Variants in MAP4K3 observed in about 807,000 individuals in gnomAD.
MAP4K3 encodes mitogen-activated protein kinase kinase kinase kinase 3.
A neutral mutation model predicts 143.5 loss-of-function variants in MAP4K3; 94 were observed. That is an observed-to-expected ratio of 0.65 (90% CI 0.55 to 0.78). MAP4K3 has a LOEUF of 0.78. Among genes scored for constraint, MAP4K3 ranks in the 30% least tolerant of loss-of-function variants. The pLI is 0.00. For missense variants in MAP4K3, 1,077 were observed against 1,068.1 expected (o/e 1.01, Z -0.12); for synonymous variants, 416 against 347.2 (o/e 1.20, Z -2.20).
intron 28 of MAP4K3, among the ~76,000 whole-genome samples, chr2:39,261,663 C>T (rs962306282): frequency 1.3e-5 from 2 of 151,984 alleles, no homozygotes; most frequent in Non-Finnish European, 2.9e-5. Context: ...TACACATATA[C>T]AAGAGACAAA....
At position 39,437,019 on chromosome 2, in the gene MAP4K3, C is replaced by T. The variant is rs758880485; in HGVS notation, c.-32G>A. ...CCCCAGGTGCCCCCCGCCTCCCTCC[C>T]GGGCAGGGGAGGGGGGCCGCTCAGG... On this transcript the variant is annotated 5_prime_UTR_variant, in exon 1 of 34. Transcript: ENST00000263881. 1.9e-6 allele frequency: 3 copies of T among 1,582,318 alleles called. No homozygotes were observed. Among genetic ancestry groups the T allele is most frequent in the Non-Finnish European group, 2.6e-6 (3 of 1,157,916 alleles).
intron 27 of MAP4K3, among the ~76,000 whole-genome samples, chr2:39,265,525 T>C (rs1439549612): frequency 2.0e-5 from 3 of 152,202 alleles, no homozygotes; most frequent in African/African-American, 4.8e-5. Context: ...TTTTTATTTG[T>C]ATGCACAAAT....
At chr2:39,377,478 T>G (rs144914549) in intron 2 of MAP4K3, among the ~76,000 whole-genome samples, 1 of 151,962 alleles carries the variant, frequency 6.6e-6, no homozygotes, top group East Asian at 1.9e-4. Context: ...AATGTGGGTT[T>G]TGAGGGAAGT....
At chr2:39,267,004 T>G (rs1680793193) in intron 27 of MAP4K3, among the ~76,000 whole-genome samples, 185 bp downstream of exon 27, 1 of 152,072 alleles carries the variant, frequency 6.6e-6, no homozygotes, top group African/African-American at 2.4e-5. Flanking sequence ...TATTTGCAAA[T>G]AAATTATTTG....
At chr2:39,418,728 GA>G (rs1316267389) in intron 1 of MAP4K3, among the ~76,000 whole-genome samples, 36 of 138,032 alleles carry the variant, frequency 2.6e-4, no homozygotes, top group Middle Eastern at 3.6e-3. Context: ...CTAACCATGA[GA>G]AAAAAAAAAA....
intron 31 of MAP4K3, among the ~76,000 whole-genome samples, chr2:39,258,082 C>A (rs1680417831): frequency 6.6e-6 from 1 of 151,962 alleles, no homozygotes; most frequent in Non-Finnish European, 1.5e-5. Flanking sequence ...CAGGCGTGTG[C>A]CAGCAAACCT....
chr2:39,263,197 A>G (rs1165125190), intron 28 of MAP4K3, among the ~76,000 whole-genome samples: 2 of 152,202 alleles, frequency 1.3e-5, no homozygotes, highest in Non-Finnish European at 2.9e-5. Flanking sequence ...CATCTGATTA[A>G]GGGTTATAGT....
At chr2:39,432,783 C>T (rs1665330905) in intron 1 of MAP4K3, among the ~76,000 whole-genome samples, 1 of 152,192 alleles carries the variant, frequency 6.6e-6, no homozygotes, top group Non-Finnish European at 1.5e-5. Flanking sequence ...GCCCAATCCT[C>T]ACCTTTTTTC....
intron 12 of MAP4K3, among the ~76,000 whole-genome samples, chr2:39,317,447 A>G (rs1683152149): frequency 6.6e-6 from 1 of 152,206 alleles, no homozygotes; most frequent in Non-Finnish European, 1.5e-5. Context: ...CGGCACAGCA[A>G]AAGAAACTAT....
intron 24 of MAP4K3, among the ~76,000 whole-genome samples, chr2:39,275,959 G>T (rs953447543): frequency 6.6e-6 from 1 of 152,004 alleles, no homozygotes; most frequent in Non-Finnish European, 1.5e-5. Flanking sequence ...TGCAACCTCC[G>T]CCTCCCGGGT....
intron 1 of MAP4K3, among the ~76,000 whole-genome samples, chr2:39,383,923 G>A (rs1666418580): frequency 6.6e-6 from 1 of 151,924 alleles, no homozygotes; most frequent in African/African-American, 2.4e-5. Context: ...TGGGAAACAT[G>A]GTGAAACCCT....
intron 12 of MAP4K3, among the ~76,000 whole-genome samples, chr2:39,315,696 T>A (rs1451334921): frequency 6.6e-6 from 1 of 152,194 alleles, no homozygotes; most frequent in Non-Finnish European, 1.5e-5. Flanking sequence ...AACATCAGAC[T>A]TGTCTAGATC....
rs1027181718 is a variant in MAP4K3, at chr2:39,400,674, A to G, written c.97-22551T>C. On this transcript the variant is annotated intron_variant, in intron 1 of 33. Transcript: ENST00000263881. The stretch of plus-strand genomic sequence containing the variant: ...ATAAGTGAATTTATTATTATAAATT[A>G]TGACTGGAAGTCCTGCTTTATTTAT... 9.9e-4 allele frequency among the ~76,000 whole-genome samples: 150 copies of G among 152,064 alleles called. 4 individuals carry two copies. Among genetic ancestry groups the G allele is most frequent in the Admixed American group, 3.5e-3 (54 of 15,294 alleles).
chr2:39,406,349 TAGAG>T, intron 1 of MAP4K3, among the ~76,000 whole-genome samples: 1 of 152,032 alleles, frequency 6.6e-6, no homozygotes, highest in Admixed American at 6.5e-5. Flanking sequence ...TTCCTAAACC[TAGAG>T]AAAGATATTA....
chr2:39,330,203 A>C (rs1410802309), intron 8 of MAP4K3, among the ~76,000 whole-genome samples: 1 of 152,164 alleles, frequency 6.6e-6, no homozygotes, highest in African/African-American at 2.4e-5. Context: ...AAAACAATAA[A>C]AAAATATTTT....
intron 21 of MAP4K3, among the ~76,000 whole-genome samples, chr2:39,283,152 C>A (rs1681612762): frequency 6.6e-6 from 1 of 152,126 alleles, no homozygotes; most frequent in Admixed American, 6.5e-5. Context: ...GAGAAGTATA[C>A]CGCAGTATGG....
chr2:39,274,341 C>T lies in MAP4K3; in HGVS notation c.1795-1799G>A, dbSNP rs375414914. 1.6e-3 allele frequency among the ~76,000 whole-genome samples: 242 copies of T among 151,720 alleles called. 3 individuals carry two copies. Among genetic ancestry groups the T allele is most frequent in the African/African-American group, 5.2e-3 (214 of 41,394 alleles). ...ACGCCCTTCTCCTGCCTCAGCCTCC[C>T]GAGTAGCTGGGACTACAGGCGCCCG... On this transcript the variant is annotated intron_variant, in intron 24 of 33. Transcript: ENST00000263881.
At chr2:39,304,967 A>C (rs962483367) in intron 15 of MAP4K3, among the ~76,000 whole-genome samples, 1 of 152,228 alleles carries the variant, frequency 6.6e-6, no homozygotes, top group Non-Finnish European at 1.5e-5. Flanking sequence ...CAAAAGAACA[A>C]ATATGCTATG....
At position 39,257,904 on chromosome 2, in the gene MAP4K3, T is replaced by C. The variant is rs1386594121; in HGVS notation, c.2470+444A>G. 5.3e-5 allele frequency among the ~76,000 whole-genome samples: 8 copies of C among 152,226 alleles called. No homozygotes were observed. The East Asian group carries it at 7.7e-4, about 15-fold the overall frequency. On this transcript the variant is annotated intron_variant, in intron 31 of 33. Coordinates refer to ENST00000263881, the MANE Select transcript of MAP4K3 (RefSeq NM_003618.4). The stretch of plus-strand genomic sequence containing the variant: ...GAAAATGTGTAAGAATGAAGGCTGA[T>C]AGTGACCTCATATTTATTATATCCT...
Sources: gnomAD v4.1 joint callset for allele counts (sites outside exome capture counted in the v4.1 genomes callset) on GRCh38, gnomAD v4.1.1 for gene constraint, MANE v1.5 for transcripts, NCBI Gene and HGNC (gene_info 2026-07-23, HGNC 2026-07-21) for gene names.